CMIP: variants seen among roughly 807,000 people sequenced by gnomAD.
The protein encoded by CMIP is c-Maf inducing protein, also known as C-Maf-inducing protein.
In CMIP, 13 loss-of-function variants were observed where a neutral mutation model predicts 97.3. The ratio of observed to expected loss-of-function variants is 0.13; its 90% confidence interval spans 0.09 to 0.21. The LOEUF is 0.21. Among genes scored for constraint, CMIP ranks in the 10% least tolerant of loss-of-function variants. The pLI is 1.00. For synonymous variants in CMIP, 538 were observed against 436.3 expected (o/e 1.23, Z -2.91); for missense variants, 847 against 1,024.9 (o/e 0.83, Z 2.37).
chr16:81,545,758 G>A (rs2090534378), intron 1 of CMIP, among the ~76,000 whole-genome samples: 1 of 152,204 alleles, frequency 6.6e-6, no homozygotes, highest in African/African-American at 2.4e-5. Flanking sequence ...CAAACGCCCA[G>A]CTTACCTGGG....
rs1287282084 is a variant in CMIP at position 81,627,400 on chromosome 16, C to G, written c.477+6474C>G. On this transcript the variant is annotated intron_variant, in intron 3 of 20. Coordinates refer to ENST00000537098, the MANE Select transcript of CMIP (RefSeq NM_198390.3). This position sits in a 1 kb window ranked among gnomAD's most constrained non-coding sequence, Gnocchi z 4.6. ...GTTTGTGCAGCAGGCAGAAGGGATC[C>G]TGGTAGGAGCCCACGCGTGGGAGCC... Among the ~76,000 whole-genome samples the G allele has an allele frequency of 6.6e-6, 1 of 151,964 alleles. No individual in the cohort carries two copies. The highest frequency in any genetic ancestry group is 1.5e-5 in the Non-Finnish European group (1 of 67,944).
At position 81,607,665 on chromosome 16, in the gene CMIP, G is replaced by A. The variant is rs1597140898; in HGVS notation, c.399G>A (p.Thr133=). The change falls in exon 2 of 21, where the codon ACG becomes ACA. Residue 133 remains threonine, a synonymous_variant. Coordinates refer to ENST00000537098, the MANE Select transcript of CMIP (RefSeq NM_198390.3). ...CCCCGAAGTACTGTTTACAGCTCAC[G>A]ATTCCTGGGGGAACTGTCTTACTGC... ...ENAPKYCLQL[T]IPGGTVLLQA... 2.5e-6 allele frequency: 4 copies of A among 1,613,974 alleles called. No individual in the cohort carries two copies. The highest frequency in any genetic ancestry group is 3.4e-6 in the Non-Finnish European group (4 of 1,179,858).
intron 2 of CMIP, chr16:81,610,227 C>A: frequency 1.4e-6 from 1 of 733,740 alleles, no homozygotes; most frequent in Non-Finnish European, 1.7e-6. Flanking sequence ...GTCCCTTTAA[C>A]CCGGCTGTGG....
rs530525768 is a variant in CMIP at position 81,626,603 on chromosome 16, C to T, written c.477+5677C>T. On this transcript the variant is annotated intron_variant, in intron 3 of 20. Coordinates refer to ENST00000537098, the MANE Select transcript of CMIP (RefSeq NM_198390.3). ...AGTGTGTGAGTGGTGTGTGGGGTGA[C>T]GGTGTGCGTGTGTGTGTGGTGTGTG... Among the ~76,000 whole-genome samples, 16 of 83,058 alleles carry T rather than the reference C, an allele frequency of 1.9e-4. No individual in the cohort carries two copies. The South Asian group carries it at 2.6e-3, about 14-fold the overall frequency. 54.5% of individuals were successfully genotyped at this position (83,058 alleles called of 152,430 possible).
intron 1 of CMIP, among the ~76,000 whole-genome samples, chr16:81,584,089 G>A (rs1033615335): frequency 1.3e-5 from 2 of 152,132 alleles, no homozygotes; most frequent in South Asian, 4.1e-4. Context: ...TGGGAGCGCC[G>A]AATCCAAGGG....
Position 81,693,452 on chromosome 16 carries a change from G to A in CMIP, c.1495G>A (p.Val499Met), listed in dbSNP as rs1461650386. Residue 499 changes from valine to methionine, a missense_variant, in exon 13 of 21, where the codon GTG becomes ATG. By Grantham distance (21) the Val-to-Met change is conservative (BLOSUM62 1). Transcript: ENST00000537098. ...CGTCTCTTCCAGGGAACTGAAGTAC[G>A]TGATTCAGAGGTTCGCCGAAGACCC... Reference protein sequence around the residue: ...HEKFTKELKYVIQRFAEDPRQ... With the variant: ...HEKFTKELKYMIQRFAEDPRQ... 5.6e-6 allele frequency: 9 copies of A among 1,612,402 alleles called. No homozygotes were observed. Among genetic ancestry groups the A allele is most frequent in the East Asian group, 4.5e-5 (2 of 44,884 alleles).
rs1466741323 is a variant in CMIP, at chr16:81,679,794, T to G, written c.1388+1166T>G. On this transcript the variant is annotated intron_variant, in intron 10 of 20. Coordinates refer to ENST00000537098, the MANE Select transcript of CMIP (RefSeq NM_198390.3). The stretch of plus-strand genomic sequence containing the variant: ...CCTAAGGGTCTCTCCAGCCTTGCCA[T>G]CCACACGCTCCACCTGACACATCTC... 4.6e-5 allele frequency among the ~76,000 whole-genome samples: 7 copies of G among 152,192 alleles called. No individual in the cohort carries two copies. In the South Asian group the frequency reaches 1.5e-3, roughly 32 times the overall value.
At chr16:81,463,087 G>C (rs1397111667) in intron 1 of CMIP, among the ~76,000 whole-genome samples, 3 of 152,210 alleles carry the variant, frequency 2.0e-5, no homozygotes, top group African/African-American at 7.2e-5. Flanking sequence ...GAATGGAGCA[G>C]TGGACGATGA....
intron 3 of CMIP, among the ~76,000 whole-genome samples, chr16:81,648,910 C>T (rs1052448423): frequency 4.0e-5 from 6 of 151,562 alleles, no homozygotes; most frequent in Admixed American, 2.6e-4. Context: ...GCACTGTCCC[C>T]TAGAGCCCCC....
intron 1 of CMIP, among the ~76,000 whole-genome samples, chr16:81,520,914 C>CGTTAGGAGCTGCTGTG (rs2090012536): frequency 6.6e-6 from 1 of 151,924 alleles, no homozygotes; most frequent in Non-Finnish European, 1.5e-5. Context: ...GAGCTGCTGT[C>CGTTAGGAGCTGCTGTG]GTGAGTGTGT....
intron 10 of CMIP, among the ~76,000 whole-genome samples, chr16:81,682,529 C>T (rs893684238): frequency 2.0e-5 from 3 of 151,686 alleles, no homozygotes; most frequent in Non-Finnish European, 2.9e-5. Context: ...CACGCCATTG[C>T]GTTCCATCCT....
At chr16:81,469,524 G>A (rs1439773524) in intron 1 of CMIP, among the ~76,000 whole-genome samples, 1 of 152,208 alleles carries the variant, frequency 6.6e-6, no homozygotes, top group Non-Finnish European at 1.5e-5. Context: ...CGTTACCACT[G>A]TCATTGCTAC....
chr16:81,612,072 GCATTT>G (rs2091840822), intron 2 of CMIP, among the ~76,000 whole-genome samples: 1 of 152,344 alleles, frequency 6.6e-6, no homozygotes, highest in East Asian at 1.9e-4. Flanking sequence ...CTTTCTGCTA[GCATTT>G]CATTGTGGGG....
At position 81,627,993 on chromosome 16, in the gene CMIP, G is replaced by T. The variant is rs1244591755; in HGVS notation, c.477+7067G>T. Among the ~76,000 whole-genome samples the T allele has an allele frequency of 2.0e-5, 3 of 152,134 alleles. No individual in the cohort carries two copies. Among genetic ancestry groups the T allele is most frequent in the African/African-American group, 7.2e-5 (3 of 41,412 alleles). On this transcript the variant is annotated intron_variant, in intron 3 of 20. Transcript: ENST00000537098. The surrounding 1 kb of genome is among the most constrained non-coding windows in gnomAD (Gnocchi z 4.6). ...ACTGGCTGCACCCTCAGGAGGGCGG[G>T]ATCCATCACCCTCATCCCCATGCAG...
chr16:81,702,700 A>G, intron 17 of CMIP, 31 bp downstream of exon 17: 3 of 1,604,864 alleles, frequency 1.9e-6, no homozygotes, highest in East Asian at 2.2e-5. Flanking sequence ...TTGGGGCTGG[A>G]TGGAGAAGGT....
Position 81,701,795 on chromosome 16 carries a change from G to T in CMIP, c.1891G>T (p.Glu631Ter). Residue 631 changes from glutamate (E) to a stop codon, truncating the protein, a stop_gained, in exon 16 of 21, where the codon GAG becomes TAG. Transcript: ENST00000537098. LOFTEE classifies it high-confidence loss of function. Reference protein sequence around the residue: ...QLCDRQRELKELQRKGGPTRL... With the variant: ...QLCDRQRELK ...GTGTGACCGGCAGCGGGAGCTGAAG[G>T]AGCTGGTGAGTCCCCGGCTGCTCCG... The T allele has an allele frequency of 6.2e-7, 1 of 1,613,552 alleles. No individual in the cohort carries two copies. Among genetic ancestry groups the T allele is most frequent in the African/African-American group, 1.3e-5 (1 of 75,062 alleles).
rs769032750 is a variant in CMIP, at chr16:81,701,811, G to T, written c.1896+11G>T. 1.9e-6 allele frequency: 3 copies of T among 1,612,770 alleles called. No homozygotes were observed. Among genetic ancestry groups the T allele is most frequent in the African/African-American group, 2.7e-5 (2 of 74,930 alleles). On this transcript the variant is annotated intron_variant, in intron 16 of 20. Coordinates refer to ENST00000537098, the MANE Select transcript of CMIP (RefSeq NM_198390.3). ...GAGCTGAAGGAGCTGGTGAGTCCCC[G>T]GCTGCTCCGGACCACTCCCCTGCCC... is the stretch of plus-strand genomic sequence containing the variant.
intron 10 of CMIP, among the ~76,000 whole-genome samples, chr16:81,682,660 C>T (rs1340816402): frequency 6.6e-6 from 1 of 152,198 alleles, no homozygotes; most frequent in Non-Finnish European, 1.5e-5. Flanking sequence ...TAGAGCGAAC[C>T]ACATCCATCG....
intron 16 of CMIP, among the ~76,000 whole-genome samples, chr16:81,702,187 T>G (rs1402913912): frequency 1.3e-5 from 2 of 152,154 alleles, no homozygotes; most frequent in African/African-American, 2.4e-5. Flanking sequence ...GGCAGGAAAT[T>G]CATGCCTTCT....
Sources: gnomAD v4.1 joint callset for allele counts (sites outside exome capture counted in the v4.1 genomes callset) on GRCh38, gnomAD v4.1.1 for gene constraint, Gnocchi (gnomAD v3.1) non-coding constraint, MANE v1.5 for transcripts, NCBI Gene and HGNC (gene_info 2026-07-23, HGNC 2026-07-21) for gene names.